The following ERBB4 variants were observed in gnomAD, a reference collection of about 807,000 sequenced individuals.
ERBB4 encodes receptor tyrosine-protein kinase erbB-4.
In ERBB4, 42 loss-of-function variants were observed where a neutral mutation model predicts 158.0. That is an observed-to-expected ratio of 0.27 (90% CI 0.21 to 0.34). The LOEUF is 0.34. Among genes scored for constraint, ERBB4 ranks in the 10% least tolerant of loss-of-function variants. The pLI, the probability that ERBB4 is intolerant of heterozygous loss-of-function variation, is 1.00. For missense variants in ERBB4, 1,333 were observed against 1,624.1 expected, an observed-to-expected ratio of 0.82 and a Z score of 3.08; for synonymous variants, 583 against 558.7, an observed-to-expected ratio of 1.04 and a Z score of -0.61.
intron 1 of ERBB4, among the ~76,000 whole-genome samples, chr2:212,466,834 T>C (rs1301597922): frequency 2.6e-5 from 4 of 152,056 alleles, no homozygotes; most frequent in South Asian, 2.1e-4. Flanking sequence ...GACAGCAAAA[T>C]GTGGGAAAGT....
chr2:211,989,806 A>T lies in ERBB4; in HGVS notation c.235-42190T>A, dbSNP rs575448775. Among the ~76,000 whole-genome samples the T allele has an allele frequency of 2.8e-3, 419 of 152,110 alleles. 3 individuals carry two copies. The highest frequency in any genetic ancestry group is 4.5e-3 in the Non-Finnish European group (306 of 67,884). ...GTTGTTAATAGCACTATATAAAAAG[A>T]ACACAGCATTCACTTTCCTAACTCC... On this transcript the variant is annotated intron_variant, in intron 2 of 27. Transcript: ENST00000342788.
At chr2:211,909,521 G>A (rs1219297643) in intron 3 of ERBB4, among the ~76,000 whole-genome samples, 4 of 151,730 alleles carry the variant, frequency 2.6e-5, no homozygotes, top group Admixed American at 6.6e-5. Context: ...TTATGGTATT[G>A]TACTTAATAC....
At chr2:211,551,926 A>G (rs2067108572) in intron 20 of ERBB4, among the ~76,000 whole-genome samples, 1 of 152,226 alleles carries the variant, frequency 6.6e-6, no homozygotes, top group Non-Finnish European at 1.5e-5. Flanking sequence ...CTCGTGTAAC[A>G]TATTCAAGCC....
In ERBB4 at chr2:211,796,513, T is replaced by C. The variant is rs528170678; in HGVS notation, c.422-8354A>G. ...ACTGCTGGGTCATAGTGATAATCAC[T>C]TTTTATTTAACCAATTTAACTTATT... On this transcript the variant is annotated intron_variant, in intron 3 of 27. Coordinates refer to ENST00000342788, the MANE Select transcript of ERBB4 (RefSeq NM_005235.3). Among the ~76,000 whole-genome samples the C allele has an allele frequency of 6.6e-4, 100 of 152,070 alleles. 1 individual carries two copies. The highest frequency in any genetic ancestry group is 2.0e-3 in the African/African-American group (83 of 41,534).
Position 211,380,410 on chromosome 2 carries a change from T to A in ERBB4, c.*3205A>T, listed in dbSNP as rs1338663171. On this transcript the variant is annotated 3_prime_UTR_variant, in exon 28 of 28. Coordinates refer to ENST00000342788, the MANE Select transcript of ERBB4 (RefSeq NM_005235.3). ...CTACAAAGTTGGGTGATTTAAAAAA[T>A]ATACTCCGTGTAATTTTAATACTAA... is the stretch of plus-strand genomic sequence containing the variant. 1.7e-5 allele frequency: 4 copies of A among 232,294 alleles called. No individual in the cohort carries two copies. Among genetic ancestry groups the A allele is most frequent in the Admixed American group, 1.7e-4 (3 of 17,718 alleles). 14.4% of individuals were successfully genotyped at this position (232,294 alleles called of 1,614,324 possible).
At chr2:212,192,397 G>A (rs945858147) in intron 1 of ERBB4, among the ~76,000 whole-genome samples, 1 of 151,564 alleles carries the variant, frequency 6.6e-6, no homozygotes, top group African/African-American at 2.4e-5. Context: ...TATCTCAGTT[G>A]TCTTTCTCCT....
intron 3 of ERBB4, among the ~76,000 whole-genome samples, chr2:211,807,181 A>C (rs58133726): frequency 0.042 from 6,324 of 151,996 alleles, 194 homozygotes; most frequent in African/African-American, 0.08. Flanking sequence ...TCTAGGGTAC[A>C]TGTGCACAAC....
intron 1 of ERBB4, among the ~76,000 whole-genome samples, chr2:212,345,297 G>A (rs1019781015): frequency 1.8e-5 from 2 of 113,958 alleles, no homozygotes; most frequent in Non-Finnish European, 3.9e-5. Flanking sequence ...ACATTGCCTA[G>A]CATGTAGTGA....
chr2:211,637,571 C>A (rs189741164), intron 16 of ERBB4, among the ~76,000 whole-genome samples: 1 of 151,886 alleles, frequency 6.6e-6, no homozygotes, highest in Admixed American at 6.5e-5. Context: ...AAACCAAAGG[C>A]TTTTTTGATC....
At position 212,411,595 on chromosome 2, in the gene ERBB4, T is replaced by C. The variant is rs543486557; in HGVS notation, c.82+126854A>G. Among the ~76,000 whole-genome samples the C allele has an allele frequency of 2.0e-5, 3 of 152,236 alleles. No homozygotes were observed. In the East Asian group the frequency reaches 5.8e-4, roughly 29 times the overall value. ...ATTTTTAAAATCCTCTGATTTTGGATCATAGAGGAATAGAAAAGTTACTTG... is the reference window on the plus strand; with the variant it reads ...ATTTTTAAAATCCTCTGATTTTGGACCATAGAGGAATAGAAAAGTTACTTG... On this transcript the variant is annotated intron_variant, in intron 1 of 27. Transcript: ENST00000342788.
At chr2:211,732,722 G>T (rs570474014) in intron 5 of ERBB4, among the ~76,000 whole-genome samples, 2 of 152,288 alleles carry the variant, frequency 1.3e-5, no homozygotes, top group Admixed American at 6.5e-5. Flanking sequence ...ACTTTGGAAG[G>T]CTGAGGCAGG....
chr2:212,457,491 A>G (rs1447222396), intron 1 of ERBB4, among the ~76,000 whole-genome samples: 1 of 152,100 alleles, frequency 6.6e-6, no homozygotes, highest in East Asian at 1.9e-4. Flanking sequence ...CTTTCTACGA[A>G]GGTGATAATA....
At chr2:211,447,890 A>G (rs2064150975) in intron 20 of ERBB4, among the ~76,000 whole-genome samples, 1 of 152,174 alleles carries the variant, frequency 6.6e-6, no homozygotes, top group Non-Finnish European at 1.5e-5. Context: ...TGAACACTTC[A>G]TTAAGAACGC....
chr2:212,155,465 T>C (rs1438567868), intron 1 of ERBB4, among the ~76,000 whole-genome samples: 1 of 152,102 alleles, frequency 6.6e-6, no homozygotes, highest in Non-Finnish European at 1.5e-5. Flanking sequence ...TTCAGGTATA[T>C]GTTTAAAATA....
intron 20 of ERBB4, among the ~76,000 whole-genome samples, chr2:211,544,474 G>C (rs11887047): frequency 0.31 from 46,351 of 151,744 alleles, 7,259 homozygotes; most frequent in Middle Eastern, 0.36. Context: ...GAAACGCTTG[G>C]GTCGAGCTGA....
intron 1 of ERBB4, among the ~76,000 whole-genome samples, chr2:212,494,683 T>G (rs971313026): frequency 9.2e-5 from 14 of 152,240 alleles, no homozygotes; most frequent in African/African-American, 3.1e-4. Context: ...CATGACTGCT[T>G]TGTACATATC....
chr2:211,752,026 T>C (rs557358888), intron 4 of ERBB4, among the ~76,000 whole-genome samples: 1 of 152,308 alleles, frequency 6.6e-6, no homozygotes, highest in East Asian at 1.9e-4. Flanking sequence ...CACCAGTGTA[T>C]AATATCCTGT....
At chr2:212,077,898 C>G (rs756764940) in intron 2 of ERBB4, among the ~76,000 whole-genome samples, 15 of 151,906 alleles carry the variant, frequency 9.9e-5, no homozygotes, top group Non-Finnish European at 2.1e-4. Context: ...TCTTTTCTGT[C>G]TTAGAACAAA....
At chr2:211,442,056 C>A (rs1465978451) in intron 20 of ERBB4, among the ~76,000 whole-genome samples, 6 of 152,026 alleles carry the variant, frequency 3.9e-5, no homozygotes, top group Non-Finnish European at 8.8e-5. Context: ...ACTCAGGTAG[C>A]CAAAAAAGCC....
Sources: allele counts gnomAD v4.1 joint callset (sites outside exome capture counted in the v4.1 genomes callset), GRCh38; gene constraint gnomAD v4.1.1; transcripts MANE v1.5; gene names NCBI Gene and HGNC (gene_info 2026-07-23, HGNC 2026-07-21).